PCDH15: variants seen among roughly 807,000 people sequenced by gnomAD.
PCDH15 encodes protocadherin-15.
PCDH15 carries 129 observed loss-of-function variants against 178.5 expected under a neutral mutation model. The observed-to-expected ratio is 0.72, with a 90% CI of 0.63 to 0.84. The LOEUF (loss-of-function observed/expected upper bound fraction) is 0.84. PCDH15 is among the 40% of genes least tolerant of loss of function. The probability of loss-of-function intolerance (pLI) is 0.00; values close to 1 mark genes in which losing one functional copy is unlikely to be tolerated. For synonymous variants in PCDH15, 800 were observed against 732.0 expected, an observed-to-expected ratio of 1.09 and a Z score of -1.50; for missense variants, 2,230 against 2,099.9, an observed-to-expected ratio of 1.06 and a Z score of -1.21.
intron 29 of PCDH15, among the ~76,000 whole-genome samples, chr10:53,838,235 A>C (rs1339131505): frequency 6.6e-6 from 1 of 152,070 alleles, no homozygotes; most frequent in African/African-American, 2.4e-5. Flanking sequence ...TCGGCCTCCC[A>C]AAGTGCTGGG....
intron 2 of PCDH15, among the ~76,000 whole-genome samples, chr10:55,622,652 GA>G (rs1365865141): frequency 6.6e-6 from 1 of 151,982 alleles, no homozygotes; most frequent in African/African-American, 2.4e-5. Context: ...AGTAACCAAA[GA>G]AGTACAATTC....
intron 2 of PCDH15, among the ~76,000 whole-genome samples, chr10:55,346,622 C>T (rs1052021996): frequency 6.6e-6 from 1 of 151,378 alleles, no homozygotes; most frequent in African/African-American, 2.4e-5. Flanking sequence ...AACAAACAAA[C>T]GAATTACCCC....
At chr10:54,185,740 A>G (rs761169151) in intron 11 of PCDH15, among the ~76,000 whole-genome samples, 2 of 152,024 alleles carry the variant, frequency 1.3e-5, no homozygotes, top group Non-Finnish European at 2.9e-5. Context: ...CTTACTTATA[A>G]TGCAAAATAG....
At position 55,008,207 on chromosome 10, in the gene PCDH15, G is replaced by C. The variant is rs1412779231; in HGVS notation, c.-79-110707C>G. 2.0e-5 allele frequency among the ~76,000 whole-genome samples: 3 copies of C among 151,878 alleles called. No homozygotes were observed. The South Asian group carries it at 6.2e-4, about 32-fold the overall frequency. ...TTGAGAACTGGATAATTTAGGCATA[G>C]ATATTCCACTGATATATTCTGGAGC... is the stretch of plus-strand genomic sequence containing the variant. On this transcript the variant is annotated intron_variant, in intron 2 of 5. Transcript: ENST00000458638.
At chr10:55,366,472 T>C (rs1212282596) in intron 2 of PCDH15, among the ~76,000 whole-genome samples, 1 of 152,178 alleles carries the variant, frequency 6.6e-6, no homozygotes, top group Non-Finnish European at 1.5e-5. Flanking sequence ...GTTTCTTTTT[T>C]ACTTCTCTAG....
At chr10:55,607,012 AAT>A (rs1843236246) in intron 2 of PCDH15, among the ~76,000 whole-genome samples, 1 of 152,040 alleles carries the variant, frequency 6.6e-6, no homozygotes, top group Admixed American at 6.6e-5. Context: ...ACGAAGGGCT[AAT>A]ATCCAGAATC....
chr10:54,345,470 G>A (rs1342295), intron 6 of PCDH15, among the ~76,000 whole-genome samples: 38,787 of 151,790 alleles, frequency 0.26, 5,480 homozygotes, highest in African/African-American at 0.38. Context: ...TGGGGGGCCC[G>A]TGGGATTTTG....
chr10:54,845,777 G>A (rs983412172), intron 3 of PCDH15, among the ~76,000 whole-genome samples: 15 of 151,962 alleles, frequency 9.9e-5, no homozygotes, highest in Non-Finnish European at 1.2e-4. Context: ...AGACAGCTCG[G>A]GGAATGAATG....
intron 17 of PCDH15, among the ~76,000 whole-genome samples, chr10:54,071,443 A>C (rs2135864554): frequency 6.6e-6 from 1 of 152,210 alleles, no homozygotes; most frequent in African/African-American, 2.4e-5. Flanking sequence ...AAGAGAAGGG[A>C]TGTTTGTTTT....
chr10:54,753,859 G>T (rs1384363975), intron 1 of PCDH15, among the ~76,000 whole-genome samples: 16 of 92,592 alleles, frequency 1.7e-4, no homozygotes, highest in Admixed American at 4.8e-4. Flanking sequence ...TTTTTCTATT[G>T]TTTTTTTTTT....
At chr10:55,023,285 T>C (rs1337848379) in intron 2 of PCDH15, among the ~76,000 whole-genome samples, 1 of 152,190 alleles carries the variant, frequency 6.6e-6, no homozygotes, top group Non-Finnish European at 1.5e-5. Context: ...GTTAAAATAA[T>C]GGTAACTTAA....
At chr10:54,115,719 C>A (rs754906952) in intron 15 of PCDH15, among the ~76,000 whole-genome samples, 3 of 152,162 alleles carry the variant, frequency 2.0e-5, no homozygotes, top group Non-Finnish European at 4.4e-5. Context: ...TCTTCCCCTC[C>A]CTTCAATAGG....
intron 3 of PCDH15, among the ~76,000 whole-genome samples, chr10:54,881,128 T>C (rs1358403229): frequency 1.3e-5 from 2 of 152,060 alleles, no homozygotes; most frequent in African/African-American, 4.8e-5. Context: ...AAGGTCTCTA[T>C]GATCTGTGAT....
chr10:54,281,462 T>G (rs2058701189), intron 8 of PCDH15, among the ~76,000 whole-genome samples: 1 of 151,926 alleles, frequency 6.6e-6, no homozygotes, highest in Non-Finnish European at 1.5e-5. Flanking sequence ...AATTAATATA[T>G]GAATATTGAG....
chr10:55,589,081 C>CA (rs35940637), intron 2 of PCDH15, among the ~76,000 whole-genome samples: 2,166 of 80,986 alleles, frequency 0.027, 47 homozygotes, highest in African/African-American at 0.058. Context: ...AATTCCGTGT[C>CA]AAAAAAAAAA....
intron 3 of PCDH15, among the ~76,000 whole-genome samples, chr10:54,490,986 T>C (rs2079536583): frequency 6.6e-6 from 1 of 152,170 alleles, no homozygotes; most frequent in African/African-American, 2.4e-5. Context: ...TAGCCCACCC[T>C]GGCCAGGGAT....
At chr10:53,808,326 GTGTGTATATATA>G (rs1377136933) in intron 37 of PCDH15, 17 of 452,308 alleles carry the variant, frequency 3.8e-5, no homozygotes, top group East Asian at 3.4e-4. Context: ...TATAGTGTGT[GTGTGTATATATA>G]TATATATATA....
chr10:55,188,207 T>C (rs1171811160), intron 1 of PCDH15, among the ~76,000 whole-genome samples: 1 of 152,008 alleles, frequency 6.6e-6, no homozygotes, highest in African/African-American at 2.4e-5. Flanking sequence ...TTATATCGTG[T>C]TTATGTTACA....
intron 3 of PCDH15, among the ~76,000 whole-genome samples, chr10:54,399,136 T>A (rs796420528): frequency 6.6e-6 from 1 of 152,076 alleles, no homozygotes; most frequent in Non-Finnish European, 1.5e-5. Context: ...TTTGAATACA[T>A]AATCACATAC....
Sources: allele counts gnomAD v4.1 joint callset (sites outside exome capture counted in the v4.1 genomes callset), GRCh38; gene constraint gnomAD v4.1.1; transcripts MANE v1.5; gene names NCBI Gene and HGNC (gene_info 2026-07-23, HGNC 2026-07-21).